CREB5: variants seen among roughly 807,000 people sequenced by gnomAD.
The protein encoded by CREB5 is cAMP responsive element binding protein 5.
A neutral mutation model predicts 57.1 loss-of-function variants in CREB5; 19 were observed. That is an observed-to-expected ratio of 0.33 (90% CI 0.23 to 0.49). CREB5 has a LOEUF of 0.49. CREB5 is among the 20% of genes least tolerant of loss of function. The probability of loss-of-function intolerance (pLI) is 0.99; values close to 1 mark genes in which losing one functional copy is unlikely to be tolerated. For synonymous variants in CREB5, 238 were observed against 238.3 expected (o/e 1.00, Z 0.01); for missense variants, 579 against 671.6 (o/e 0.86, Z 1.52).
At chr7:28,720,159 C>A (rs1802946156) in intron 6 of CREB5, among the ~76,000 whole-genome samples, 3 of 152,226 alleles carry the variant, frequency 2.0e-5, no homozygotes. Flanking sequence ...TCTTCTTCAT[C>A]CTCCCTGGCG....
At chr7:28,819,042 C>A in intron 10 of CREB5, 74 bp from the exon 11 acceptor site, 1 of 1,489,536 alleles carries the variant, frequency 6.7e-7, no homozygotes, top group African/African-American at 1.4e-5. Context: ...TCTGAGGAGT[C>A]CACAAGTCCA....
chr7:28,407,842 A>G (rs556373605), upstream of CREB5, among the ~76,000 whole-genome samples: 1 of 152,368 alleles, frequency 6.6e-6, no homozygotes, highest in Non-Finnish European at 1.5e-5. Flanking sequence ...GCAATGTATT[A>G]CAGTTTCTAG....
intron 7 of CREB5, among the ~76,000 whole-genome samples, chr7:28,803,376 C>T (rs1808487286): frequency 1.3e-5 from 2 of 152,142 alleles, no homozygotes; most frequent in African/African-American, 4.8e-5. Context: ...CAGATTAGCT[C>T]TCTACTTTTT....
chr7:28,529,084 C>T (rs908832115), intron 4 of CREB5, among the ~76,000 whole-genome samples: 2 of 152,202 alleles, frequency 1.3e-5, no homozygotes, highest in African/African-American at 4.8e-5. Flanking sequence ...CAACAGATTC[C>T]TGATTCTTCT....
chr7:28,560,889 T>TGC lies in CREB5; in HGVS notation c.292-9475_292-9474insCG, dbSNP rs1310018316. ...GCCTGCGTGCGCGTGCGTGCGTGCG[T>TGC]GTGTGTGCGTGCGCGCGTGCGTGTG... On this transcript the variant is annotated intron_variant, in intron 4 of 10. Transcript: ENST00000357727. Among the ~76,000 whole-genome samples the TGC allele has an allele frequency of 6.0e-3, 110 of 18,206 alleles. 5 individuals are homozygous for TGC. The highest frequency in any genetic ancestry group is 0.026 in the Middle Eastern group (1 of 38). 11.9% of individuals were successfully genotyped at this position (18,206 alleles called of 152,430 possible).
At chr7:28,533,993 C>A (rs1793850460) in intron 4 of CREB5, among the ~76,000 whole-genome samples, 1 of 152,188 alleles carries the variant, frequency 6.6e-6, no homozygotes, top group Non-Finnish European at 1.5e-5. Flanking sequence ...TTCTGAGAAC[C>A]TAGATCCTGT....
At chr7:28,634,475 G>A (rs1230103867) in intron 5 of CREB5, among the ~76,000 whole-genome samples, 1 of 152,118 alleles carries the variant, frequency 6.6e-6, no homozygotes, top group East Asian at 1.9e-4. Context: ...ATGATGAGCT[G>A]CATATCATGA....
chr7:28,424,858 T>C (rs1467601480), intron 1 of CREB5, among the ~76,000 whole-genome samples: 1 of 152,240 alleles, frequency 6.6e-6, no homozygotes, highest in Non-Finnish European at 1.5e-5. Flanking sequence ...TGGTTGTTGA[T>C]GGATAATTTA....
chr7:28,463,353 T>G (rs1013751230), intron 1 of CREB5, among the ~76,000 whole-genome samples: 2 of 152,180 alleles, frequency 1.3e-5, no homozygotes, highest in African/African-American at 2.4e-5. Context: ...AATTTTGAAA[T>G]CAGAATGTGT....
intron 1 of CREB5, among the ~76,000 whole-genome samples, chr7:28,430,802 G>C (rs1050087082): frequency 3.3e-5 from 5 of 152,290 alleles, no homozygotes; most frequent in East Asian, 1.9e-4. Context: ...TAGAGTTTCT[G>C]TGGGTCAGGA....
intron 7 of CREB5, among the ~76,000 whole-genome samples, chr7:28,730,103 T>C (rs991639171): frequency 2.6e-5 from 4 of 152,352 alleles, no homozygotes; most frequent in South Asian, 2.1e-4. Context: ...CAAGCACTTA[T>C]GTATGTGGTA....
intron 4 of CREB5, among the ~76,000 whole-genome samples, chr7:28,526,752 G>T (rs1321048600): frequency 6.6e-6 from 1 of 152,230 alleles, no homozygotes; most frequent in Non-Finnish European, 1.5e-5. Flanking sequence ...CAAAAGAGGT[G>T]CTGCCTGCCT....
intron 1 of CREB5, among the ~76,000 whole-genome samples, chr7:28,301,394 C>T (rs1428792564): frequency 1.3e-5 from 2 of 152,198 alleles, no homozygotes; most frequent in African/African-American, 2.4e-5. Flanking sequence ...AATGTTCATA[C>T]AGATCACCTG....
intron 4 of CREB5, among the ~76,000 whole-genome samples, chr7:28,560,969 T>TGTGTGCGCGTGTGCGTGCGTGCAC (rs1795220197): frequency 1.6e-4 from 4 of 24,974 alleles, no homozygotes; most frequent in Admixed American, 4.7e-4. Flanking sequence ...TGCGTGTGTG[T>TGTGTGCGCGTGTGCGTGCGTGCAC]GTGCGTGTGT....
At chr7:28,395,585 T>C (rs1787318770) in intron 1 of CREB5, among the ~76,000 whole-genome samples, 1 of 152,180 alleles carries the variant, frequency 6.6e-6, no homozygotes, top group Non-Finnish European at 1.5e-5. Context: ...TGACTTGCAC[T>C]ATTCTCCACG....
intron 5 of CREB5, among the ~76,000 whole-genome samples, chr7:28,675,464 C>T (rs1454818630): frequency 6.6e-6 from 1 of 152,116 alleles, no homozygotes; most frequent in African/African-American, 2.4e-5. Context: ...GAAAATTTGT[C>T]TTCCTCAGCT....
At chr7:28,306,562 T>TTG (rs1785190166) in intron 1 of CREB5, among the ~76,000 whole-genome samples, 3 of 132,766 alleles carry the variant, frequency 2.3e-5, no homozygotes, top group African/African-American at 5.7e-5. Flanking sequence ...TTTGTTTTTT[T>TTG]TTTTTTTTTT....
chr7:28,545,732 A>G (rs1794390444), intron 4 of CREB5, among the ~76,000 whole-genome samples: 1 of 152,182 alleles, frequency 6.6e-6, no homozygotes, highest in South Asian at 2.1e-4. Flanking sequence ...AGATGAGAGA[A>G]AATTTCCACT....
chr7:28,532,581 T>C (rs1478677647), intron 4 of CREB5, among the ~76,000 whole-genome samples: 1 of 152,156 alleles, frequency 6.6e-6, no homozygotes, highest in Non-Finnish European at 1.5e-5. Context: ...GTCTCGTGGA[T>C]CGGAAGGTTT....
Sources: allele counts gnomAD v4.1 joint callset (sites outside exome capture counted in the v4.1 genomes callset), GRCh38; gene constraint gnomAD v4.1.1; transcripts MANE v1.5; gene names NCBI Gene and HGNC (gene_info 2026-07-23, HGNC 2026-07-21).